The following ZNF808 variants were observed in gnomAD, a reference collection of about 807,000 sequenced individuals.
The protein encoded by ZNF808 is zinc finger protein 808.
Under a neutral mutation model 8.7 loss-of-function variants are expected in ZNF808, and 5 were observed. The observed-to-expected ratio is 0.58, with a 90% CI of 0.30 to 1.21. ZNF808 has a LOEUF of 1.21. Ranked by LOEUF, ZNF808 falls within the 50% of genes most tolerant of loss-of-function variation. ZNF808 has a pLI of 0.07. For missense variants in ZNF808, 1,103 were observed against 1,098.4 expected (o/e 1.00, Z -0.06); for synonymous variants, 380 against 366.0 (o/e 1.04, Z -0.44).
At position 52,553,754 on chromosome 19, in the gene ZNF808, T is replaced by G. The variant is rs1400561071; in HGVS notation, c.838T>G (p.Cys280Gly). Residue 280 changes from cysteine to glycine, a missense_variant, in exon 5 of 5, where the codon TGT becomes GGT. By Grantham distance (159) the Cys-to-Gly change is radical. Transcript: ENST00000359798. The stretch of plus-strand genomic sequence containing the variant: ...GCAATACCTTGCATGCCATCGTAGA[T>G]GTCACACTGGAGAGAAACCTTACAA... ...HKQYLACHRR[C>G]HTGEKPYKCK... is the part of the protein sequence containing the mutation. The G allele has an allele frequency of 1.2e-6, 2 of 1,614,054 alleles. No homozygotes were observed. The highest frequency in any genetic ancestry group is 1.3e-5 in the African/African-American group (1 of 74,944).
chr19:52,540,424 T>G (rs2059659591), intron 2 of ZNF808, among the ~76,000 whole-genome samples: 1 of 152,192 alleles, frequency 6.6e-6, no homozygotes, highest in Non-Finnish European at 1.5e-5. Context: ...TTTTTTTGAG[T>G]TTACATTGAG....
intron 2 of ZNF808, among the ~76,000 whole-genome samples, chr19:52,537,539 T>A (rs1331161082): frequency 1.3e-5 from 2 of 151,856 alleles, no homozygotes; most frequent in African/African-American, 4.8e-5. Context: ...AAAGAAAAAA[T>A]TAACGGGGCA....
exon 4 of ZNF808, chr19:52,564,141 G>C: frequency 1.4e-6 from 1 of 703,636 alleles, no homozygotes; most frequent in East Asian, 2.7e-5. Flanking sequence ...AAAATCGTCC[G>C]ATTTCCCAGT....
chr19:52,543,269 T>G lies in ZNF808; in HGVS notation c.-16T>G. On this transcript the variant is annotated 5_prime_UTR_variant, in exon 3 of 5. It adds an upstream start codon to the 5' untranslated region. Transcript: ENST00000359798. ...TCTTATTTTTTTTCACATACAGGAT[T>G]GATTTCTAAAGACTCATGTTACGTG... 1 of 1,613,230 alleles carries G rather than the reference T, an allele frequency of 6.2e-7. No homozygotes were observed. Among genetic ancestry groups the G allele is most frequent in the Non-Finnish European group, 8.5e-7 (1 of 1,179,586 alleles).
At chr19:52,559,880 C>T (rs981313163), downstream of ZNF808, among the ~76,000 whole-genome samples, 1 of 152,074 alleles carries the variant, frequency 6.6e-6, no homozygotes. Context: ...ATGCACGCCA[C>T]CACGCTTGTA....
rs1451932368 is a variant in ZNF808 at position 52,552,147 on chromosome 19, A to G, written c.191-960A>G. ...ATTCTCCTGCCACAGCCTCCCGAGTAGCTGGGACTGCAGGCGCCTGTCACC... is the reference window on the plus strand; with the variant it reads ...ATTCTCCTGCCACAGCCTCCCGAGTGGCTGGGACTGCAGGCGCCTGTCACC... On this transcript the variant is annotated intron_variant, in intron 4 of 4. Transcript: ENST00000359798. Among the ~76,000 whole-genome samples the G allele has an allele frequency of 2.6e-5, 4 of 151,850 alleles. No individual in the cohort carries two copies. The East Asian group carries it at 7.8e-4, about 30-fold the overall frequency.
chr19:52,559,972 G>C (rs578207169), downstream of ZNF808, among the ~76,000 whole-genome samples: 1 of 152,184 alleles, frequency 6.6e-6, no homozygotes, highest in South Asian at 2.1e-4. Context: ...TTTGCAATAA[G>C]GTATATTTTT....
At chr19:52,567,054 C>T (rs373121300), downstream of ZNF808, among the ~76,000 whole-genome samples, 4 of 151,282 alleles carry the variant, frequency 2.6e-5, no homozygotes, top group East Asian at 3.9e-4. Context: ...CGGGTTCAAG[C>T]GATTCTCCTG....
intron 4 of ZNF808, among the ~76,000 whole-genome samples, chr19:52,548,187 C>T (rs1423419800): frequency 6.6e-6 from 1 of 152,148 alleles, no homozygotes; most frequent in Non-Finnish European, 1.5e-5. Flanking sequence ...CTCACAGCCT[C>T]ATATGTATGA....
chr19:52,534,984 G>T (rs1479557475), intron 2 of ZNF808, among the ~76,000 whole-genome samples: 1 of 151,526 alleles, frequency 6.6e-6, no homozygotes, highest in East Asian at 1.9e-4. Context: ...ACATGGAAAA[G>T]AATAATATTG....
At position 52,555,584 on chromosome 19, in the gene ZNF808, C is replaced by T. The variant is rs753369115; in HGVS notation, c.2668C>T (p.Leu890Phe). ...CAAAGCCTTTAGTGACCGGTCAACA[C>T]TTATTCACCATCAGGCAATTCATGG... ...CGKAFSDRSTLIHHQAIHGIG... is the reference protein window; with the variant it reads ...CGKAFSDRSTFIHHQAIHGIG... Residue 890 changes from leucine to phenylalanine, a missense_variant, in exon 5 of 5, where the codon CTT becomes TTT. Leu to Phe is a conservative substitution (Grantham distance 22, BLOSUM62 0). Coordinates refer to ENST00000359798, the MANE Select transcript of ZNF808 (RefSeq NM_001039886.4). The T allele has an allele frequency of 3.7e-6, 6 of 1,611,150 alleles. No individual in the cohort carries two copies. The African/African-American group carries it at 5.3e-5, about 14-fold the overall frequency.
chr19:52,563,242 TG>T (rs1477012028), intron 3 of ZNF808: 1 of 152,228 alleles, frequency 6.6e-6, no homozygotes, highest in African/African-American at 2.4e-5. Flanking sequence ...GCTGTATAAA[TG>T]TACTTATTAT....
downstream of ZNF808, among the ~76,000 whole-genome samples, chr19:52,556,992 A>T (rs1295999702): frequency 6.6e-6 from 1 of 151,832 alleles, no homozygotes; most frequent in Non-Finnish European, 1.5e-5. Flanking sequence ...GTTTTTTTTT[A>T]AATGGAGTCT....
At chr19:52,530,060 A>T (rs62119359) in intron 1 of ZNF808, among the ~76,000 whole-genome samples, 1 of 151,442 alleles carries the variant, frequency 6.6e-6, no homozygotes, top group East Asian at 2.0e-4. Flanking sequence ...TGGCCTACAT[A>T]GCCCCCCCCT....
At chr19:52,544,153 T>C (rs1314249237) in intron 3 of ZNF808, among the ~76,000 whole-genome samples, 1 of 152,154 alleles carries the variant, frequency 6.6e-6, no homozygotes, top group Admixed American at 6.6e-5. Context: ...AGCGAGACTC[T>C]GTCTCAAAAG....
chr19:52,565,731 TCAAA>T (rs1337634798), downstream of ZNF808, among the ~76,000 whole-genome samples: 8 of 152,192 alleles, frequency 5.3e-5, no homozygotes, highest in Admixed American at 6.5e-5. Context: ...GATCAAAGAC[TCAAA>T]CAATGTGATC....
chr19:52,556,820 C>T (rs967040903), downstream of ZNF808: 2 of 151,992 alleles, frequency 1.3e-5, no homozygotes, highest in African/African-American at 4.8e-5. Flanking sequence ...TTTTCAGTTT[C>T]CTTTCCTTAT....
intron 1 of ZNF808, among the ~76,000 whole-genome samples, chr19:52,529,907 A>G (rs1002769136): frequency 7.9e-6 from 1 of 126,964 alleles, no homozygotes. Context: ...ATATATATAT[A>G]TATATTTTTT....
At position 52,550,121 on chromosome 19, in the gene ZNF808, T is replaced by C. The variant is rs892705196; in HGVS notation, c.190+2483T>C. 7.9e-5 allele frequency among the ~76,000 whole-genome samples: 12 copies of C among 152,198 alleles called. 1 individual carries two copies. The highest frequency in any genetic ancestry group is 5.9e-4 in the Admixed American group (9 of 15,268). The stretch of plus-strand genomic sequence containing the variant: ...TCGTGGGATCCTTCATGCCCAGGAT[T>C]AAGTCTTGTCCCTCACTTACCTTAT... On this transcript the variant is annotated intron_variant, in intron 4 of 4. Transcript: ENST00000359798.
Sources: gnomAD v4.1 joint callset for allele counts (sites outside exome capture counted in the v4.1 genomes callset) on GRCh38, gnomAD v4.1.1 for gene constraint, MANE v1.5 for transcripts, NCBI Gene and HGNC (gene_info 2026-07-23, HGNC 2026-07-21) for gene names.